The following ZNF18 variants were observed in gnomAD, a reference collection of about 807,000 sequenced individuals.
The protein encoded by ZNF18 is heart development-specific gene 1 protein.
Under a neutral mutation model 58.1 loss-of-function variants are expected in ZNF18, and 42 were observed. The observed-to-expected ratio is 0.72, with a 90% CI of 0.56 to 0.93. ZNF18 has a LOEUF of 0.93. Among genes scored for constraint, ZNF18 ranks in the 40% least tolerant of loss-of-function variants. The probability of loss-of-function intolerance (pLI) is 0.00; values close to 1 mark genes in which losing one functional copy is unlikely to be tolerated. For missense variants in ZNF18, 540 were observed against 644.2 expected, an observed-to-expected ratio of 0.84 and a Z score of 1.75; for synonymous variants, 231 against 239.8, an observed-to-expected ratio of 0.96 and a Z score of 0.34.
Position 11,977,924 on chromosome 17 carries a change from G to T in ZNF18, c.*33C>A. 1 of 1,530,404 alleles carries T rather than the reference G, an allele frequency of 6.5e-7. No homozygotes were observed. The highest frequency in any genetic ancestry group is 1.3e-5 in the South Asian group (1 of 75,692). The allele number at this position is 1,530,404 out of a possible 1,614,324, so 94.8% of individuals were successfully genotyped here. A position where few individuals can be genotyped will look rare whatever the true frequency, so the allele number is the denominator to read the frequency against. On this transcript the variant is annotated 3_prime_UTR_variant, in exon 7 of 7. Transcript: ENST00000580306. Reference sequence around the variant, plus strand: ...GAGTATTTTTGTGACTGGGCTGGGAGATAGAAATGGGGAAAGAGAGTTTGG... The same window carrying T: ...GAGTATTTTTGTGACTGGGCTGGGATATAGAAATGGGGAAAGAGAGTTTGG...
the ZNF18 span, among the ~76,000 whole-genome samples, chr17:12,015,708 T>A: frequency 6.1e-3 from 924 of 152,316 alleles, 14 homozygotes; most frequent in African/African-American, 0.022. Flanking sequence ...TCAACCATTT[T>A]TTCAAAGTAA....
intron 1 of ZNF18, among the ~76,000 whole-genome samples, chr17:11,994,347 A>G (rs1968328351): frequency 6.6e-6 from 1 of 152,200 alleles, no homozygotes; most frequent in Non-Finnish European, 1.5e-5. Context: ...AGCGAAGTCA[A>G]AAGAATTACA....
intron 6 of ZNF18, 52 bp downstream of exon 6, chr17:11,983,245 A>G: frequency 7.0e-7 from 1 of 1,422,952 alleles, no homozygotes; most frequent in Non-Finnish European, 9.9e-7. Flanking sequence ...ATCACCTCCA[A>G]TTTAATGACA....
At chr17:11,981,333 T>G (rs1203911306) in intron 6 of ZNF18, among the ~76,000 whole-genome samples, 2 of 150,858 alleles carry the variant, frequency 1.3e-5, no homozygotes, top group Non-Finnish European at 2.9e-5. Flanking sequence ...TTTTTTTTTT[T>G]TTTGAGACAG....
intron 1 of ZNF18, among the ~76,000 whole-genome samples, chr17:11,996,495 T>G (rs1464256988): frequency 6.6e-6 from 1 of 152,130 alleles, no homozygotes; most frequent in Non-Finnish European, 1.5e-5. Flanking sequence ...TACTCCCAGG[T>G]AGTGTGTAAG....
the ZNF18 span, among the ~76,000 whole-genome samples, chr17:12,016,741 T>C: frequency 6.6e-6 from 1 of 152,184 alleles, no homozygotes; most frequent in Non-Finnish European, 1.5e-5. Flanking sequence ...TATGTTTGTA[T>C]TTGGTCAGAC....
chr17:11,977,949 G>GTTA lies in ZNF18; in HGVS notation c.*5_*7dup, dbSNP rs754835365. ...GATAGAAATGGGGAAAGAGAGTTTG[G>GTTA]TTACTGGCTATTGAAAGGGCTTCTT... On this transcript the variant is annotated 3_prime_UTR_variant, in exon 7 of 7. Coordinates refer to ENST00000580306, the MANE Select transcript of ZNF18 (RefSeq NM_001303281.2). 8.4e-6 allele frequency: 13 copies of GTTA among 1,547,390 alleles called. No individual in the cohort carries two copies. Among genetic ancestry groups the GTTA allele is most frequent in the Admixed American group, 8.1e-5 (4 of 49,206 alleles).
At chr17:12,018,622 G>C in the ZNF18 span, among the ~76,000 whole-genome samples, 4 of 152,156 alleles carry the variant, frequency 2.6e-5, no homozygotes, top group South Asian at 6.2e-4. Context: ...ATACAATTTA[G>C]TCCATAAGAA....
the ZNF18 span, among the ~76,000 whole-genome samples, chr17:12,004,007 C>A: frequency 4.6e-5 from 7 of 151,864 alleles, no homozygotes; most frequent in African/African-American, 1.7e-4. Flanking sequence ...CTGAGGCGGG[C>A]GGATCACAAG....
intron 2 of ZNF18, among the ~76,000 whole-genome samples, chr17:11,991,813 G>C (rs1314390375): frequency 1.3e-5 from 2 of 152,066 alleles, no homozygotes; most frequent in Non-Finnish European, 2.9e-5. Context: ...TCTCCACCCA[G>C]CTTCTGAGGA....
In ZNF18 at chr17:11,983,308, G is replaced by A. The variant is rs200854003; in HGVS notation, c.851C>T (p.Pro284Leu). ...GAAAGATTACTCACCTATGCAGGTG[G>A]GTCTTGGGATCTTCTCATTGACATG... ...YLHVNEKIPR[P>L]TCIGDRQEND... is the part of the protein sequence containing the mutation. The change falls in exon 6 of 7, where the codon CCC becomes CTC. Residue 284 changes from proline (P) to leucine (L), a missense_variant. Physicochemically the swap from Pro to Leu is moderately conservative, Grantham distance 98 (BLOSUM62 -3). Transcript: ENST00000580306. The A allele has an allele frequency of 1.2e-6, 2 of 1,606,576 alleles. No individual in the cohort carries two copies. Among genetic ancestry groups the A allele is most frequent in the East Asian group, 4.5e-5 (2 of 44,842 alleles).
At chr17:12,004,684 C>T in the ZNF18 span, among the ~76,000 whole-genome samples, 2 of 152,006 alleles carry the variant, frequency 1.3e-5, no homozygotes, top group African/African-American at 2.4e-5. Context: ...GTTGGGAGTT[C>T]GAAGCCAGCC....
chr17:12,014,916 C>T, the ZNF18 span, among the ~76,000 whole-genome samples: 7 of 151,902 alleles, frequency 4.6e-5, no homozygotes, highest in Non-Finnish European at 8.8e-5. Flanking sequence ...GGCATGGTGG[C>T]GGGTGCCTGT....
chr17:12,018,259 C>T, the ZNF18 span, among the ~76,000 whole-genome samples: 1 of 152,190 alleles, frequency 6.6e-6, no homozygotes, highest in Non-Finnish European at 1.5e-5. Flanking sequence ...AAAAGGTTAA[C>T]TTTTTTTAAG....
chr17:11,998,581 C>T (rs969474200), upstream of ZNF18, among the ~76,000 whole-genome samples: 6 of 150,272 alleles, frequency 4.0e-5, no homozygotes, highest in African/African-American at 1.5e-4. Context: ...CTGTCATTAT[C>T]ATAACATGTC....
the ZNF18 span, chr17:12,021,079 C>T: frequency 1.4e-5 from 12 of 870,054 alleles, 1 homozygote; most frequent in Admixed American, 4.1e-4. Context: ...CCAGCGGACG[C>T]CCCCGGACCC....
At chr17:12,009,602 G>A in the ZNF18 span, among the ~76,000 whole-genome samples, 4 of 151,876 alleles carry the variant, frequency 2.6e-5, no homozygotes, top group East Asian at 1.9e-4. Context: ...ACAGGCGCCC[G>A]TCACCATGCT....
At chr17:11,989,101 G>C (rs537307849) in intron 4 of ZNF18, among the ~76,000 whole-genome samples, 1 of 151,784 alleles carries the variant, frequency 6.6e-6, no homozygotes, top group Non-Finnish European at 1.5e-5. Context: ...GGAGGTTGTA[G>C]TGAGCTGAGA....
At chr17:12,000,676 A>G (rs1968641100), upstream of ZNF18, among the ~76,000 whole-genome samples, 1 of 152,202 alleles carries the variant, frequency 6.6e-6, no homozygotes, top group East Asian at 1.9e-4. Flanking sequence ...AGATCACACC[A>G]TTGCACTCTA....
Sources: gnomAD v4.1 joint callset for allele counts (sites outside exome capture counted in the v4.1 genomes callset) on GRCh38, gnomAD v4.1.1 for gene constraint, MANE v1.5 for transcripts, NCBI Gene and HGNC (gene_info 2026-07-23, HGNC 2026-07-21) for gene names.